UBE2W: variants seen among roughly 807,000 people sequenced by gnomAD.
UBE2W encodes ubiquitin conjugating enzyme E2 W.
A neutral mutation model predicts 27.2 loss-of-function variants in UBE2W; 18 were observed. The ratio of observed to expected loss-of-function variants is 0.66; its 90% CI spans 0.46 to 0.98. UBE2W has a LOEUF of 0.98. UBE2W is among the 50% of genes least tolerant of loss of function. The pLI is 0.00. For missense variants in UBE2W, 90 were observed against 180.2 expected (o/e 0.50, Z 2.87); for synonymous variants, 53 against 57.2 (o/e 0.93, Z 0.33).
intron 1 of UBE2W, among the ~76,000 whole-genome samples, chr8:73,852,336 A>C (rs1199074541): frequency 6.6e-6 from 1 of 152,146 alleles, no homozygotes; most frequent in Admixed American, 6.6e-5. Flanking sequence ...AGAGTTTACT[A>C]CCCTAGAATC....
At chr8:73,841,896 T>C (rs1203676299) in intron 1 of UBE2W, among the ~76,000 whole-genome samples, 3 of 151,324 alleles carry the variant, frequency 2.0e-5, no homozygotes, top group African/African-American at 7.4e-5. Flanking sequence ...CAATGAAATT[T>C]GCCTACTTTA....
At position 73,805,472 on chromosome 8, in the gene UBE2W, C is replaced by CAA; in HGVS notation, c.442+177_442+178dup. ...TCCATCTCAAAAAAAAAAAAAAAAA[C>CAA]AAAAAAAACTAGGGTAATTCATCCA... On this transcript the variant is annotated intron_variant, in intron 5 of 5. Transcript: ENST00000602593. Among the ~76,000 whole-genome samples, 122 of 43,682 alleles carry CAA rather than the reference C, an allele frequency of 2.8e-3. 3 individuals are homozygous for CAA. Among genetic ancestry groups the CAA allele is most frequent in the African/African-American group, 5.5e-3 (92 of 16,624 alleles). 28.7% of individuals were successfully genotyped at this position (43,682 alleles called of 152,430 possible).
chr8:73,810,646 T>C lies in UBE2W; in HGVS notation c.211-17A>G. On this transcript the variant is annotated splice_polypyrimidine_tract_variant and intron_variant, in intron 3 of 5. Transcript: ENST00000602593. ...AAACATGACCTAAGAGAGAATAAAA[T>C]TCCATTAAAACTCAAATATTCTCTA... 1 of 1,526,026 alleles carries C rather than the reference T, an allele frequency of 6.6e-7. No individual in the cohort carries two copies. The highest frequency in any genetic ancestry group is 8.8e-7 in the Non-Finnish European group (1 of 1,138,704). The allele number at this position is 1,526,026 out of a possible 1,614,324, so 94.5% of individuals were successfully genotyped here. A position where few individuals can be genotyped will look rare whatever the true frequency, so the allele number is the denominator to read the frequency against.
intron 1 of UBE2W, among the ~76,000 whole-genome samples, chr8:73,868,926 T>C (rs1330292192): frequency 3.3e-5 from 5 of 152,154 alleles, no homozygotes; most frequent in African/African-American, 7.2e-5. Flanking sequence ...AACTTGTACA[T>C]ACATGTTCAC....
Position 73,844,862 on chromosome 8 carries a change from G to A in UBE2W, c.16-14390C>T, listed in dbSNP as rs1005886063. Among the ~76,000 whole-genome samples, 41 of 149,332 alleles carry A rather than the reference G, an allele frequency of 2.7e-4. No homozygotes were observed. The East Asian group carries it at 2.8e-3, about 10-fold the overall frequency. ...CCACCCCGTCTGGGAGGTGCGGAGC[G>A]TCTCCGACGGGCCACCCCGTCTGAG... On this transcript the variant is annotated intron_variant, in intron 1 of 5. Transcript: ENST00000602593.
intron 1 of UBE2W, 73 bp downstream of exon 1, chr8:73,878,735 G>A (rs542348565): frequency 3.0e-6 from 4 of 1,354,210 alleles, no homozygotes; most frequent in Admixed American, 2.0e-5. Context: ...AATCGCGGAC[G>A]CCACCCCCGC....
At position 73,878,852 on chromosome 8, in the gene UBE2W, G is replaced by C; in HGVS notation, c.-30C>G. On this transcript the variant is annotated 5_prime_UTR_variant, in exon 1 of 6. Coordinates refer to ENST00000602593, the MANE Select transcript of UBE2W (RefSeq NM_018299.6). Reference sequence around the variant, plus strand: ...GAACCATCCCCCCAAGACCGGCGAGGCCAGAGACGCAGGGGGAGGAGCTGC... The same window carrying C: ...GAACCATCCCCCCAAGACCGGCGAGCCCAGAGACGCAGGGGGAGGAGCTGC... 1 of 1,547,588 alleles carries C rather than the reference G, an allele frequency of 6.5e-7. No homozygotes were observed. Among genetic ancestry groups the C allele is most frequent in the South Asian group, 1.2e-5 (1 of 83,854 alleles).
downstream of UBE2W, among the ~76,000 whole-genome samples, chr8:73,785,968 C>T (rs1465500811): frequency 6.6e-6 from 1 of 152,212 alleles, no homozygotes. Context: ...ATATGATATG[C>T]TTTTCTATTT....
chr8:73,816,318 C>A (rs1335541396), intron 3 of UBE2W, among the ~76,000 whole-genome samples: 1 of 152,198 alleles, frequency 6.6e-6, no homozygotes, highest in Non-Finnish European at 1.5e-5. Context: ...TGTTAACCTT[C>A]TTGTCAGGTG....
At chr8:73,818,354 G>A (rs577937139) in intron 3 of UBE2W, among the ~76,000 whole-genome samples, 70 of 152,214 alleles carry the variant, frequency 4.6e-4, no homozygotes, top group African/African-American at 1.5e-3. Flanking sequence ...TCTCTCACCT[G>A]GGTTACTTTA....
At chr8:73,794,987 T>C (rs923395027) in intron 5 of UBE2W, among the ~76,000 whole-genome samples, 1 of 151,984 alleles carries the variant, frequency 6.6e-6, no homozygotes, top group Admixed American at 6.6e-5. Context: ...CACATATATA[T>C]GTAACACAGA....
At position 73,840,300 on chromosome 8, in the gene UBE2W, C is replaced by T. The variant is rs181369573; in HGVS notation, c.16-9828G>A. On this transcript the variant is annotated intron_variant, in intron 1 of 5. Coordinates refer to ENST00000602593, the MANE Select transcript of UBE2W (RefSeq NM_018299.6). ...CTCTATCTCCTGACCTCGTGATCCG[C>T]CTGCCTTGGCCTCCCAAAGGGCTGG... 1.4e-3 allele frequency among the ~76,000 whole-genome samples: 218 copies of T among 152,318 alleles called. 1 individual carries two copies. The highest frequency in any genetic ancestry group is 5.1e-3 in the African/African-American group (210 of 41,570).
chr8:73,792,762 A>G lies in UBE2W; in HGVS notation c.*1340T>C. 13 of 985,616 alleles carry G rather than the reference A, an allele frequency of 1.3e-5. No homozygotes were observed. The highest frequency in any genetic ancestry group is 1.6e-5 in the Non-Finnish European group (13 of 829,734). The allele number at this position is 985,616 out of a possible 1,614,324, so 61.1% of individuals were successfully genotyped here. On this transcript the variant is annotated 3_prime_UTR_variant, in exon 6 of 6. Coordinates refer to ENST00000602593, the MANE Select transcript of UBE2W (RefSeq NM_018299.6). ...CTTAGTTGTAGTATCATTAACTCACATGGTACTGAGAACTGGACCTTTCAA... is the reference window on the plus strand; with the variant it reads ...CTTAGTTGTAGTATCATTAACTCACGTGGTACTGAGAACTGGACCTTTCAA...
chr8:73,843,684 G>A (rs905787640), intron 1 of UBE2W, among the ~76,000 whole-genome samples: 2 of 148,406 alleles, frequency 1.3e-5, no homozygotes, highest in African/African-American at 5.0e-5. Flanking sequence ...AAACACAGGT[G>A]AAGAAAGAAT....
intron 4 of UBE2W, among the ~76,000 whole-genome samples, chr8:73,806,898 G>GC (rs1808931535): frequency 6.6e-6 from 1 of 152,088 alleles, no homozygotes; most frequent in Non-Finnish European, 1.5e-5. Context: ...ACTATAATTG[G>GC]CCTTTCTGCT....
intron 3 of UBE2W, among the ~76,000 whole-genome samples, chr8:73,811,815 T>C (rs888136840): frequency 6.6e-6 from 1 of 152,066 alleles, no homozygotes; most frequent in South Asian, 2.1e-4. Context: ...ATAAAAGATA[T>C]ACAGTATTGC....
intron 2 of UBE2W, 83 bp from the exon 3 acceptor site, chr8:73,825,332 A>G: frequency 1.1e-6 from 1 of 921,632 alleles, no homozygotes; most frequent in Non-Finnish European, 1.7e-6. Context: ...AGTACTTCCT[A>G]TACACTAAGC....
In UBE2W at chr8:73,878,810, G is replaced by GC; in HGVS notation, c.12dup (p.Gln5AlafsTer14). ...CAGATGCAGCAAACTCCTCTCACCT[G>GC]CATTGACGCCATGATGGAACCATCC... On this transcript the variant is annotated frameshift_variant, in exon 1 of 6. Transcript: ENST00000602593. LOFTEE classifies it high-confidence loss of function. The GC allele has an allele frequency of 6.4e-7, 1 of 1,550,800 alleles. No individual in the cohort carries two copies. Among genetic ancestry groups the GC allele is most frequent in the Non-Finnish European group, 8.7e-7 (1 of 1,146,446 alleles).
chr8:73,869,911 A>G (rs1179856480), intron 1 of UBE2W, among the ~76,000 whole-genome samples: 2 of 152,088 alleles, frequency 1.3e-5, no homozygotes, highest in Non-Finnish European at 1.5e-5. Context: ...ACAAAAGGTC[A>G]TATATAATAT....
Sources: gnomAD v4.1 joint callset for allele counts (sites outside exome capture counted in the v4.1 genomes callset) on GRCh38, gnomAD v4.1.1 for gene constraint, MANE v1.5 for transcripts, NCBI Gene and HGNC (gene_info 2026-07-23, HGNC 2026-07-21) for gene names.